The following HYLS1 variants were observed in gnomAD, a reference collection of about 807,000 sequenced individuals.
The protein encoded by HYLS1 is HYLS1 centriolar and ciliogenesis associated, also known as centriolar and ciliogenesis-associated protein HYLS1.
HYLS1 carries 25 observed loss-of-function variants against 29.4 expected under a neutral mutation model. The ratio of observed to expected loss-of-function variants is 0.85; its 90% CI spans 0.62 to 1.19. HYLS1 has a LOEUF of 1.19. Ranked by LOEUF, HYLS1 falls within the 50% of genes most tolerant of loss-of-function variation. The probability of loss-of-function intolerance (pLI) is 0.00; values close to 1 mark genes in which losing one functional copy is unlikely to be tolerated. For missense variants in HYLS1, 352 were observed against 365.1 expected (o/e 0.96, Z 0.29); for synonymous variants, 128 against 126.7 (o/e 1.01, Z -0.07).
chr11:125,900,284 T>C lies in HYLS1; in HGVS notation c.*16T>C, dbSNP rs550250471. The C allele has an allele frequency of 4.3e-6, 7 of 1,612,332 alleles. No homozygotes were observed. In the African/African-American group the frequency reaches 6.7e-5, roughly 15 times the overall value. On this transcript the variant is annotated 3_prime_UTR_variant, in exon 3 of 3. Transcript: ENST00000425380. ...TCCTTCTTAAATCTTTTTAAACTTC[T>C]TTCACAGGATTGTTTGAGATAACCT...
chr11:125,899,276 T>C (rs927598222), intron 2 of HYLS1, 68 bp from the exon 3 acceptor site: 10 of 1,122,030 alleles, frequency 8.9e-6, no homozygotes, highest in African/African-American at 1.5e-5. Context: ...AAAACGGAGA[T>C]AAGGGAATGA....
At chr11:125,895,089 C>G (rs936912726) in intron 2 of HYLS1, 36 of 557,198 alleles carry the variant, frequency 6.5e-5, no homozygotes, top group Middle Eastern at 9.7e-4. Context: ...CTCTGTCACC[C>G]ATGCTGGAAT....
chr11:125,895,275 A>G, intron 2 of HYLS1: 1 of 1,609,370 alleles, frequency 6.2e-7, no homozygotes. Flanking sequence ...CTCATCAATA[A>G]TCTCTGGCTT....
intron 2 of HYLS1, among the ~76,000 whole-genome samples, chr11:125,897,905 G>GT (rs1944635807): frequency 6.6e-6 from 1 of 152,108 alleles, no homozygotes; most frequent in Non-Finnish European, 1.5e-5. Flanking sequence ...CAAGATACTC[G>GT]TGTTAGCATC....
chr11:125,893,715 ATTT>A lies in HYLS1; in HGVS notation c.-26+2254_-26+2256del, dbSNP rs35423925. ...CTGAATTCCTAGTACTTGCAAGTAA[ATTT>A]TTTTTTTTTTCCTTTTCTGTCCACC... is the stretch of plus-strand genomic sequence containing the variant. On this transcript the variant is annotated intron_variant, in intron 2 of 2. Coordinates refer to ENST00000425380, the MANE Select transcript of HYLS1 (RefSeq NM_001134793.2). 34 of 1,042,080 alleles carry A rather than the reference ATTT, an allele frequency of 3.3e-5. No individual in the cohort carries two copies. The South Asian group carries it at 6.0e-4, about 18-fold the overall frequency. The allele number at this position is 1,042,080 out of a possible 1,614,324, so 64.6% of individuals were successfully genotyped here. A position where few individuals can be genotyped will look rare whatever the true frequency, so the allele number is the denominator to read the frequency against.
At chr11:125,886,465 C>T (rs189004088), upstream of HYLS1, among the ~76,000 whole-genome samples, 34 of 152,074 alleles carry the variant, frequency 2.2e-4, no homozygotes, top group East Asian at 5.4e-3. Context: ...GCTCAGGACT[C>T]AAGACCAGTT....
upstream of HYLS1, among the ~76,000 whole-genome samples, chr11:125,885,490 G>A (rs1012903134): frequency 6.6e-6 from 1 of 152,092 alleles, no homozygotes; most frequent in East Asian, 1.9e-4. Flanking sequence ...ACGAACTGGG[G>A]GATCCATAAG....
intron 2 of HYLS1, chr11:125,895,986 G>A: frequency 1.2e-6 from 2 of 1,614,162 alleles, no homozygotes; most frequent in Non-Finnish European, 1.7e-6. Context: ...TACTAGTCGA[G>A]TCTTGGTTAG....
intron 1 of HYLS1, among the ~76,000 whole-genome samples, chr11:125,890,267 G>A (rs1045787047): frequency 6.7e-6 from 1 of 149,544 alleles, no homozygotes; most frequent in African/African-American, 2.5e-5. Flanking sequence ...TTATTCGTTT[G>A]GTACGGCATC....
In HYLS1 at chr11:125,900,482, T is replaced by C; in HGVS notation, c.*214T>C. The C allele has an allele frequency of 1.8e-6, 1 of 560,524 alleles. No homozygotes were observed. Among genetic ancestry groups the C allele is most frequent in the Non-Finnish European group, 3.3e-6 (1 of 306,402 alleles). 34.7% of individuals were successfully genotyped at this position (560,524 alleles called of 1,614,324 possible). The stretch of plus-strand genomic sequence containing the variant: ...TCCAGCAATTGCAAGATAAATCATA[T>C]CAGAGAAAGAACAACAGACCTGGTC... On this transcript the variant is annotated 3_prime_UTR_variant, in exon 3 of 3. Coordinates refer to ENST00000425380, the MANE Select transcript of HYLS1 (RefSeq NM_001134793.2).
At chr11:125,899,264 A>AT (rs1944683105) in intron 2 of HYLS1, 80 bp from the exon 3 acceptor site, 1 of 973,886 alleles carries the variant, frequency 1.0e-6, no homozygotes, top group South Asian at 1.5e-5. Context: ...TTTGACTGCT[A>AT]TAAAACGGAG....
upstream of HYLS1, among the ~76,000 whole-genome samples, chr11:125,885,774 CA>C (rs1944295519): frequency 2.6e-5 from 4 of 152,258 alleles, no homozygotes; most frequent in Non-Finnish European, 5.9e-5. Flanking sequence ...CCCCATCTGG[CA>C]TTACTGCCTG....
chr11:125,886,430 ATTTG>A (rs1179497859), upstream of HYLS1, among the ~76,000 whole-genome samples: 3 of 152,136 alleles, frequency 2.0e-5, no homozygotes, highest in Non-Finnish European at 4.4e-5. Context: ...ACTAGCACCT[ATTTG>A]TTTAAGGTGG....
chr11:125,899,688 T>G lies in HYLS1; in HGVS notation c.320T>G (p.Val107Gly). The G allele has an allele frequency of 1.9e-6, 3 of 1,614,146 alleles. No individual in the cohort carries two copies. The highest frequency in any genetic ancestry group is 2.5e-6 in the Non-Finnish European group (3 of 1,180,006). ...KVLRRKPDGE[V>G]LVTDESIISE... is the part of the protein sequence containing the mutation. ...CTGCGCAGAAAGCCAGATGGGGAAG[T>G]ATTAGTAACAGATGAGTCGATTATC... The change falls in exon 3 of 3, where the codon GTA becomes GGA. Residue 107 changes from valine to glycine, a missense_variant. Physicochemically the swap from Val to Gly is moderately radical, Grantham distance 109 (BLOSUM62 -3). Transcript: ENST00000425380.
chr11:125,888,737 C>G (rs1484354973), intron 1 of HYLS1, among the ~76,000 whole-genome samples: 6 of 145,930 alleles, frequency 4.1e-5, no homozygotes, highest in African/African-American at 1.5e-4. Flanking sequence ...CCACTGCACT[C>G]CAGCCTGGGC....
At chr11:125,896,965 T>A (rs367685614) in intron 2 of HYLS1, among the ~76,000 whole-genome samples, 1 of 152,220 alleles carries the variant, frequency 6.6e-6, no homozygotes, top group Non-Finnish European at 1.5e-5. Flanking sequence ...TCTGACCCCT[T>A]TCTAAAGCTG....
At chr11:125,890,674 A>G (rs142440846) in intron 1 of HYLS1, among the ~76,000 whole-genome samples, 200 of 152,344 alleles carry the variant, frequency 1.3e-3, no homozygotes, top group African/African-American at 4.1e-3. Flanking sequence ...ATTTCGGTCA[A>G]TGTTGTCTGT....
chr11:125,890,320 T>G (rs1944388258), intron 1 of HYLS1, among the ~76,000 whole-genome samples: 1 of 152,218 alleles, frequency 6.6e-6, no homozygotes, highest in Admixed American at 6.5e-5. Flanking sequence ...TACCCTTTAA[T>G]AGCTTTCTAA....
chr11:125,891,150 AT>A (rs1353647177), intron 1 of HYLS1, among the ~76,000 whole-genome samples: 1 of 152,192 alleles, frequency 6.6e-6, no homozygotes, highest in Non-Finnish European at 1.5e-5. Flanking sequence ...GCAAAGTTGC[AT>A]TTGGGGGCTT....
Sources: allele counts gnomAD v4.1 joint callset (sites outside exome capture counted in the v4.1 genomes callset), GRCh38; gene constraint gnomAD v4.1.1; transcripts MANE v1.5; gene names NCBI Gene and HGNC (gene_info 2026-07-23, HGNC 2026-07-21).